The following KCNQ3 variants were observed in gnomAD, a reference collection of about 807,000 sequenced individuals.
KCNQ3 encodes the protein potassium voltage-gated channel subfamily KQT member 3.
In KCNQ3, 30 loss-of-function variants were observed where a neutral mutation model predicts 92.5. The ratio of observed to expected loss-of-function variants is 0.32; its 90% CI spans 0.24 to 0.44. KCNQ3 has a LOEUF of 0.44. Ranked by LOEUF, KCNQ3 falls within the 20% of genes least tolerant of loss-of-function variation. The pLI is 1.00. For missense variants in KCNQ3, 913 were observed against 1,140.3 expected, an observed-to-expected ratio of 0.80 and a Z score of 2.87; for synonymous variants, 450 against 468.8, an observed-to-expected ratio of 0.96 and a Z score of 0.52.
rs140297258 is a variant in KCNQ3, at chr8:132,241,559, C to G, written c.387-55378G>C. Among the ~76,000 whole-genome samples, 645 of 152,164 alleles carry G rather than the reference C, an allele frequency of 4.2e-3. 5 individuals carry two copies. The highest frequency in any genetic ancestry group is 0.014 in the African/African-American group (598 of 41,508). ...TTAGAAAAACACTCATTGGGCTGGG[C>G]ACAGTAGCTCACACCTGTTATCCCA... is the stretch of plus-strand genomic sequence containing the variant. On this transcript the variant is annotated intron_variant, in intron 1 of 14. Coordinates refer to ENST00000388996, the MANE Select transcript of KCNQ3 (RefSeq NM_004519.4).
intron 1 of KCNQ3, among the ~76,000 whole-genome samples, chr8:132,203,489 G>A (rs1827526034): frequency 6.6e-6 from 1 of 152,104 alleles, no homozygotes; most frequent in Non-Finnish European, 1.5e-5. Flanking sequence ...ATAAAATAAT[G>A]GATATAAAAT....
intron 1 of KCNQ3, among the ~76,000 whole-genome samples, chr8:132,347,804 C>T (rs560826076): frequency 2.0e-5 from 3 of 151,626 alleles, no homozygotes; most frequent in Non-Finnish European, 4.4e-5. Flanking sequence ...AGTGAAACCC[C>T]GTCTCTACTA....
intron 1 of KCNQ3, among the ~76,000 whole-genome samples, chr8:132,317,159 C>T (rs1328091246): frequency 3.3e-5 from 5 of 152,184 alleles, no homozygotes; most frequent in Admixed American, 6.5e-5. Flanking sequence ...ACCCAGCAAA[C>T]TCTCTGACCT....
chr8:132,321,052 T>G (rs887970144), intron 1 of KCNQ3, among the ~76,000 whole-genome samples: 17 of 152,240 alleles, frequency 1.1e-4, no homozygotes, highest in African/African-American at 4.1e-4. Context: ...CATTGCTTTC[T>G]GAAAGCTCCC....
chr8:132,403,686 C>T (rs1017118818), intron 1 of KCNQ3, among the ~76,000 whole-genome samples: 4 of 152,188 alleles, frequency 2.6e-5, no homozygotes, highest in Non-Finnish European at 5.9e-5. Flanking sequence ...CTTCAAATCT[C>T]GGTTCAGTGT....
chr8:132,260,745 T>C (rs1015644693), intron 1 of KCNQ3, among the ~76,000 whole-genome samples: 17 of 152,220 alleles, frequency 1.1e-4, no homozygotes, highest in African/African-American at 4.1e-4. Context: ...TCTGCTTTGA[T>C]CCATCCAACA....
intron 1 of KCNQ3, among the ~76,000 whole-genome samples, chr8:132,203,460 T>C (rs1462197016): frequency 2.0e-5 from 3 of 152,306 alleles, no homozygotes; most frequent in Admixed American, 6.5e-5. Context: ...ATAAAGTGTC[T>C]ACCTCATAAG....
chr8:132,148,669 T>C (rs146616343), intron 9 of KCNQ3, among the ~76,000 whole-genome samples: 21 of 152,360 alleles, frequency 1.4e-4, no homozygotes, highest in Non-Finnish European at 2.6e-4. Context: ...CCAATGTGGA[T>C]GGACGTCATC....
At chr8:132,378,330 T>G (rs1253701372) in intron 1 of KCNQ3, among the ~76,000 whole-genome samples, 2 of 151,964 alleles carry the variant, frequency 1.3e-5, no homozygotes, top group African/African-American at 2.4e-5. Flanking sequence ...AGGCAGAGGT[T>G]GCAGTGAGCC....
intron 1 of KCNQ3, among the ~76,000 whole-genome samples, chr8:132,208,384 C>T (rs1225380380): frequency 6.6e-6 from 1 of 151,882 alleles, no homozygotes; most frequent in Non-Finnish European, 1.5e-5. Flanking sequence ...GGCTTTGAGA[C>T]CCCTAAGTTA....
At chr8:132,207,974 G>A (rs1468843688) in intron 1 of KCNQ3, among the ~76,000 whole-genome samples, 1 of 149,798 alleles carries the variant, frequency 6.7e-6, no homozygotes, top group Non-Finnish European at 1.5e-5. Flanking sequence ...TAGCATGGCA[G>A]AGACAGCTTC....
intron 1 of KCNQ3, among the ~76,000 whole-genome samples, chr8:132,242,428 T>G (rs1268300141): frequency 6.6e-6 from 1 of 152,192 alleles, no homozygotes; most frequent in African/African-American, 2.4e-5. Flanking sequence ...ACAATATTTA[T>G]GCTTAGAGGT....
chr8:132,319,063 G>A (rs917855410), intron 1 of KCNQ3, among the ~76,000 whole-genome samples: 2 of 152,308 alleles, frequency 1.3e-5, no homozygotes, highest in South Asian at 4.1e-4. Context: ...TTTAAAAAGT[G>A]GGATAAAGCA....
chr8:132,180,439 G>T, intron 3 of KCNQ3, 110 bp from the exon 4 acceptor site: 2 of 1,183,736 alleles, frequency 1.7e-6, no homozygotes, highest in Non-Finnish European at 2.5e-6. Flanking sequence ...GTGCCAAGCA[G>T]TGGGACAATC....
chr8:132,228,131 T>C (rs1387932949), intron 1 of KCNQ3, among the ~76,000 whole-genome samples: 1 of 152,234 alleles, frequency 6.6e-6, no homozygotes, highest in Non-Finnish European at 1.5e-5. Context: ...ATGGTGCTCA[T>C]ATTAATTTGT....
intron 1 of KCNQ3, among the ~76,000 whole-genome samples, chr8:132,305,480 G>A (rs1376307410): frequency 1.3e-5 from 2 of 152,158 alleles, no homozygotes; most frequent in East Asian, 3.8e-4. Flanking sequence ...TTGAGATTTT[G>A]TTGCAGGACT....
chr8:132,221,174 C>T (rs181388956), intron 1 of KCNQ3, among the ~76,000 whole-genome samples: 2 of 152,280 alleles, frequency 1.3e-5, no homozygotes, highest in African/African-American at 4.8e-5. Flanking sequence ...GCATAGTATT[C>T]CATCGTGTAT....
intron 1 of KCNQ3, among the ~76,000 whole-genome samples, chr8:132,324,616 A>G (rs1225507966): frequency 3.9e-5 from 6 of 152,266 alleles, no homozygotes; most frequent in Non-Finnish European, 8.8e-5. Context: ...TTCCTTTTCC[A>G]TTAAGCAACC....
At chr8:132,406,025 G>A (rs1820468508) in intron 1 of KCNQ3, among the ~76,000 whole-genome samples, 1 of 152,150 alleles carries the variant, frequency 6.6e-6, no homozygotes, top group Non-Finnish European at 1.5e-5. Flanking sequence ...GTGTGTGTGG[G>A]TGACTTAAAT....
Sources: allele counts gnomAD v4.1 joint callset (sites outside exome capture counted in the v4.1 genomes callset), GRCh38; gene constraint gnomAD v4.1.1; transcripts MANE v1.5; gene names NCBI Gene and HGNC (gene_info 2026-07-23, HGNC 2026-07-21).